The following SPNS3 variants were observed in gnomAD, a reference collection of about 807,000 sequenced individuals.
SPNS3 encodes the protein protein spinster homolog 3.
Under a neutral mutation model 54.4 loss-of-function variants are expected in SPNS3, and 51 were observed. The observed-to-expected ratio is 0.94, with a 90% CI of 0.75 to 1.18. The LOEUF (loss-of-function observed/expected upper bound fraction) is 1.18, where lower values mean the gene tolerates loss of function less well. Among genes scored for constraint, SPNS3 ranks in the 50% most tolerant of loss-of-function variants. SPNS3 has a pLI of 0.00. For missense variants in SPNS3, 669 were observed against 677.4 expected (o/e 0.99, Z 0.14); for synonymous variants, 309 against 294.7 (o/e 1.05, Z -0.50).
chr17:4,477,896 CAG>C (rs1972047216), intron 8 of SPNS3, among the ~76,000 whole-genome samples: 1 of 150,756 alleles, frequency 6.6e-6, no homozygotes, highest in Admixed American at 6.6e-5. Flanking sequence ...TTGGGGAAAA[CAG>C]AGGAGGGGTG....
chr17:4,464,590 G>A (rs1971627273), intron 8 of SPNS3, among the ~76,000 whole-genome samples: 4 of 152,124 alleles, frequency 2.6e-5, no homozygotes, highest in Admixed American at 1.3e-4. Context: ...ACCTTGCTGA[G>A]CCTCAATTTT....
chr17:4,466,499 C>T (rs1160025209), intron 8 of SPNS3, among the ~76,000 whole-genome samples: 2 of 143,476 alleles, frequency 1.4e-5, no homozygotes, highest in African/African-American at 5.2e-5. Flanking sequence ...GAGATCGCGC[C>T]TTTGCACTCT....
intron 1 of SPNS3, among the ~76,000 whole-genome samples, chr17:4,435,897 A>C (rs1316551945): frequency 6.6e-6 from 1 of 152,112 alleles, no homozygotes; most frequent in South Asian, 2.1e-4. Context: ...GTGCCACTGC[A>C]CTCCAGCCTG....
At chr17:4,450,281 CTCTCT>C (rs1048817147) in intron 7 of SPNS3, among the ~76,000 whole-genome samples, 4 of 151,144 alleles carry the variant, frequency 2.6e-5, no homozygotes, top group Admixed American at 6.6e-5. Context: ...CTCTCTTCTC[CTCTCT>C]TCTCTTCTCT....
chr17:4,434,628 C>T (rs1970667254), intron 1 of SPNS3, among the ~76,000 whole-genome samples: 1 of 151,440 alleles, frequency 6.6e-6, no homozygotes. Context: ...TCCCGAGTAG[C>T]TGGGATTACA....
chr17:4,467,041 T>C (rs926103932), intron 8 of SPNS3, among the ~76,000 whole-genome samples: 1 of 151,688 alleles, frequency 6.6e-6, no homozygotes, highest in Admixed American at 6.6e-5. Context: ...GCGCAGTCCA[T>C]GCGGAGGGCA....
rs1469159417 is a variant in SPNS3, at chr17:4,486,446, C to G, written c.1313C>G (p.Ser438Cys). 5 of 1,611,778 alleles carry G rather than the reference C, an allele frequency of 3.1e-6. No individual in the cohort carries two copies. The highest frequency in any genetic ancestry group is 1.1e-5 in the South Asian group (1 of 90,922). The change falls in exon 11 of 12, where the codon TCC becomes TGC. Residue 438 changes from serine (S) to cysteine (C), a missense_variant. Physicochemically the swap from Ser to Cys is moderately radical, Grantham distance 112. Coordinates refer to ENST00000355530, the MANE Select transcript of SPNS3 (RefSeq NM_182538.5). The surrounding 1 kb of genome is among the most constrained non-coding windows in gnomAD (Gnocchi z 5.5). ...SSVLRARRPD[S>C]YLQRFRSLQQ... Reference sequence around the variant, plus strand: ...GTCCTGCGGGCCAGGCGCCCTGACTCCTATCTGCAGCGCTTCCGCAGCCTG... The same window carrying G: ...GTCCTGCGGGCCAGGCGCCCTGACTGCTATCTGCAGCGCTTCCGCAGCCTG...
chr17:4,439,863 G>T (rs1597301046), intron 2 of SPNS3, 140 bp downstream of exon 2: 2 of 738,278 alleles, frequency 2.7e-6, no homozygotes, highest in East Asian at 5.4e-5. Flanking sequence ...GGGCCTGAGG[G>T]ACAGTCTAGG....
intron 8 of SPNS3, among the ~76,000 whole-genome samples, chr17:4,461,560 A>C (rs1024444686): frequency 1.3e-5 from 2 of 151,974 alleles, no homozygotes; most frequent in Non-Finnish European, 2.9e-5. Flanking sequence ...GGGCAAGGGC[A>C]GAAGCAGAGA....
At chr17:4,446,381 G>T (rs1002165204) in intron 4 of SPNS3, among the ~76,000 whole-genome samples, 182 bp downstream of exon 4, 1 of 152,148 alleles carries the variant, frequency 6.6e-6, no homozygotes, top group Non-Finnish European at 1.5e-5. Flanking sequence ...ATCTGTAAAC[G>T]GGGGCAGTGA....
chr17:4,460,738 G>C (rs1971477270), intron 8 of SPNS3, among the ~76,000 whole-genome samples: 2 of 151,926 alleles, frequency 1.3e-5, no homozygotes. Context: ...CACCGTGCCT[G>C]GCTGAATTGC....
rs796643136 is a variant in SPNS3 at position 4,437,012 on chromosome 17, G to C, written c.200-2646G>C. Among the ~76,000 whole-genome samples, 5 of 152,368 alleles carry C rather than the reference G, an allele frequency of 3.3e-5. No individual in the cohort carries two copies. The East Asian group carries it at 7.7e-4, about 23-fold the overall frequency. ...TAAGACCCTGAGTCTTGCCTGTCCA[G>C]GTCCCTTCTCCATCAGCACTTCCTC... On this transcript the variant is annotated intron_variant, in intron 1 of 11. Coordinates refer to ENST00000355530, the MANE Select transcript of SPNS3 (RefSeq NM_182538.5).
intron 8 of SPNS3, among the ~76,000 whole-genome samples, chr17:4,473,393 CTTTTTTT>C (rs57102011): frequency 9.3e-4 from 121 of 129,660 alleles, no homozygotes; most frequent in African/African-American, 3.2e-3. Flanking sequence ...TCTTCCCAGT[CTTTTTTT>C]TTTTTTTTTT....
intron 8 of SPNS3, among the ~76,000 whole-genome samples, chr17:4,457,869 G>T (rs1390247): frequency 0.42 from 63,928 of 152,052 alleles, 16,393 homozygotes; most frequent in South Asian, 0.56. Flanking sequence ...TGCCCTGGGG[G>T]TTGGGGCTGA....
chr17:4,438,981 G>T (rs1265370892), intron 1 of SPNS3, among the ~76,000 whole-genome samples: 1 of 151,816 alleles, frequency 6.6e-6, no homozygotes, highest in Non-Finnish European at 1.5e-5. Context: ...TGCCTCTGCA[G>T]GTGTGTTTCT....
At chr17:4,462,821 C>A (rs796700248) in intron 8 of SPNS3, among the ~76,000 whole-genome samples, 1 of 125,922 alleles carries the variant, frequency 7.9e-6, no homozygotes, top group Non-Finnish European at 1.7e-5. Flanking sequence ...ATCCATCCAT[C>A]CATCCATCCA....
intron 8 of SPNS3, among the ~76,000 whole-genome samples, chr17:4,456,712 G>GT (rs77582870): frequency 0.24 from 35,020 of 147,806 alleles, 5,174 homozygotes; most frequent in African/African-American, 0.43. Flanking sequence ...TTGTTTTTGT[G>GT]TTTTTTTTGG....
intron 7 of SPNS3, among the ~76,000 whole-genome samples, chr17:4,450,339 C>G (rs532313732): frequency 8.1e-6 from 1 of 124,216 alleles, no homozygotes; most frequent in South Asian, 2.7e-4. Context: ...CTCCCTCTCC[C>G]TCTCCCTCTC....
At chr17:4,467,354 A>G (rs749115580) in intron 8 of SPNS3, among the ~76,000 whole-genome samples, 1 of 151,996 alleles carries the variant, frequency 6.6e-6, no homozygotes, top group Non-Finnish European at 1.5e-5. Flanking sequence ...ACAATGCCCA[A>G]TTATTTCTGA....
Sources: gnomAD v4.1 joint callset for allele counts (sites outside exome capture counted in the v4.1 genomes callset) on GRCh38, gnomAD v4.1.1 for gene constraint, Gnocchi (gnomAD v3.1) non-coding constraint, MANE v1.5 for transcripts, NCBI Gene and HGNC (gene_info 2026-07-23, HGNC 2026-07-21) for gene names.